Variants in TNFRSF10D observed in about 807,000 individuals in gnomAD.
The protein encoded by TNFRSF10D is tumor necrosis factor receptor superfamily member 10D.
A neutral mutation model predicts 42.1 loss-of-function variants in TNFRSF10D; 28 were observed. That is an observed-to-expected ratio of 0.66 (90% CI 0.49 to 0.91). TNFRSF10D has a LOEUF of 0.91. TNFRSF10D is among the 40% of genes least tolerant of loss of function. The pLI is 0.00. For missense variants in TNFRSF10D, 503 were observed against 486.1 expected, an observed-to-expected ratio of 1.03 and a Z score of -0.33; for synonymous variants, 186 against 189.4, an observed-to-expected ratio of 0.98 and a Z score of 0.15.
Position 23,136,129 on chromosome 8 carries a change from GA to G in TNFRSF10D, c.*1740del, listed in dbSNP as rs1814322989. The G allele has an allele frequency of 1.3e-5, 4 of 310,132 alleles. No homozygotes were observed. The highest frequency in any genetic ancestry group is 2.9e-5 in the South Asian group (1 of 34,638). The allele number at this position is 310,132 out of a possible 1,614,324, so 19.2% of individuals were successfully genotyped here. On this transcript the variant is annotated 3_prime_UTR_variant, in exon 9 of 9. Transcript: ENST00000312584. The stretch of plus-strand genomic sequence containing the variant: ...ACAATGCCTTGAGATGGAAAAGACT[GA>G]AACCCCTAGAATGACTATATCCGTA...
Position 23,136,153 on chromosome 8 carries a change from G to A in TNFRSF10D, c.*1717C>T, listed in dbSNP as rs974515784. ...TGAAACCCCTAGAATGACTATATCCGTAATTTATCCTACCACGACTGGGCT... is the reference window on the plus strand; with the variant it reads ...TGAAACCCCTAGAATGACTATATCCATAATTTATCCTACCACGACTGGGCT... On this transcript the variant is annotated 3_prime_UTR_variant, in exon 9 of 9. Coordinates refer to ENST00000312584, the MANE Select transcript of TNFRSF10D (RefSeq NM_003840.5). The A allele has an allele frequency of 5.1e-5, 14 of 276,348 alleles. No homozygotes were observed. Among genetic ancestry groups the A allele is most frequent in the South Asian group, 7.2e-5 (2 of 27,656 alleles). 17.1% of individuals were successfully genotyped at this position (276,348 alleles called of 1,614,324 possible).
At chr8:23,153,581 A>G (rs937088697) in intron 2 of TNFRSF10D, among the ~76,000 whole-genome samples, 9 of 152,200 alleles carry the variant, frequency 5.9e-5, no homozygotes, top group African/African-American at 2.2e-4. Flanking sequence ...AGACACTTCT[A>G]AAAAGAAGAC....
intron 2 of TNFRSF10D, among the ~76,000 whole-genome samples, chr8:23,152,438 C>G (rs1168591143): frequency 6.6e-6 from 1 of 152,218 alleles, no homozygotes; most frequent in African/African-American, 2.4e-5. Flanking sequence ...AAAGAAGGTT[C>G]ACACTGCTCT....
chr8:23,157,610 T>A lies in TNFRSF10D; in HGVS notation c.151-2631A>T, dbSNP rs143996816. Among the ~76,000 whole-genome samples, 89 of 152,352 alleles carry A rather than the reference T, an allele frequency of 5.8e-4. No individual in the cohort carries two copies. In the East Asian group the frequency reaches 0.015, roughly 26 times the overall value. ...TTGCCACTTTACCGGGGTTTTCATC[T>A]GACCGTTCTGTCAATTACAGAGAAA... is the stretch of plus-strand genomic sequence containing the variant. On this transcript the variant is annotated intron_variant, in intron 1 of 8. Coordinates refer to ENST00000312584, the MANE Select transcript of TNFRSF10D (RefSeq NM_003840.5).
intron 8 of TNFRSF10D, 75 bp downstream of exon 8, chr8:23,138,113 G>A (rs774969727): frequency 1.5e-5 from 24 of 1,611,592 alleles, no homozygotes; most frequent in Non-Finnish European, 1.9e-5. Flanking sequence ...AGCCCTCTCA[G>A]CTATAGGGAC....
Position 23,144,431 on chromosome 8 carries a change from C to G in TNFRSF10D, c.954+19G>C. ...TGCAGGCTGCACGCCAGGCAGGGCA[C>G]AGTCCCTCCTCAACTCACCAGCAGA... On this transcript the variant is annotated intron_variant, in intron 7 of 8. Transcript: ENST00000312584. 6.2e-7 allele frequency: 1 copy of G among 1,610,234 alleles called. No homozygotes were observed. Among genetic ancestry groups the G allele is most frequent in the Middle Eastern group, 1.7e-4 (1 of 6,030 alleles).
intron 7 of TNFRSF10D, among the ~76,000 whole-genome samples, chr8:23,143,774 C>T (rs979357365): frequency 5.3e-5 from 8 of 152,152 alleles, no homozygotes; most frequent in South Asian, 2.1e-4. Flanking sequence ...ATGGCACCTA[C>T]GTTCCACTGG....
rs769407140 is a variant in TNFRSF10D, at chr8:23,144,591, C to T, written c.813G>A (p.Ala271=). ...GGGTCTCGTTGCGGGCATTGTCCTCCGCCCCAGGAACTCGTGAAGGACATG... is the reference window on the plus strand; with the variant it reads ...GGGTCTCGTTGCGGGCATTGTCCTCTGCCCCAGGAACTCGTGAAGGACATG... ...RRSCPSRVPG[A]EDNARNETLS... The change falls in exon 7 of 9, where the codon GCG becomes GCA. Residue 271 remains alanine (A), a synonymous_variant. Transcript: ENST00000312584. 3.4e-5 allele frequency: 55 copies of T among 1,614,054 alleles called. No homozygotes were observed. The highest frequency in any genetic ancestry group is 9.9e-5 in the South Asian group (9 of 91,088).
At chr8:23,161,791 G>A (rs562178115) in intron 1 of TNFRSF10D, among the ~76,000 whole-genome samples, 62 of 152,328 alleles carry the variant, frequency 4.1e-4, no homozygotes, top group Non-Finnish European at 7.5e-4. Flanking sequence ...AGGTGTGAGT[G>A]TAAGCTGAGT....
chr8:23,155,704 AAAAAAACAAAAAAC>A (rs564780193), intron 1 of TNFRSF10D, among the ~76,000 whole-genome samples: 1 of 151,954 alleles, frequency 6.6e-6, no homozygotes, highest in Non-Finnish European at 1.5e-5. Context: ...TGTCTCAAAA[AAAAAAACAAAAAAC>A]AAAAAACAAA....
intron 1 of TNFRSF10D, among the ~76,000 whole-genome samples, chr8:23,162,951 T>C (rs183152453): frequency 1.3e-3 from 197 of 152,358 alleles, no homozygotes; most frequent in Non-Finnish European, 2.3e-3. Context: ...AGGCAGAGTC[T>C]CGCTCTGTCG....
intron 8 of TNFRSF10D, 67 bp downstream of exon 8, chr8:23,138,121 G>C (rs1814371808): frequency 6.2e-7 from 1 of 1,612,228 alleles, no homozygotes; most frequent in African/African-American, 1.3e-5. Context: ...CAGCTATAGG[G>C]ACAGCAGTTA....
intron 1 of TNFRSF10D, among the ~76,000 whole-genome samples, chr8:23,161,606 G>T (rs1276993854): frequency 1.3e-5 from 2 of 152,156 alleles, no homozygotes; most frequent in Non-Finnish European, 2.9e-5. Flanking sequence ...GTCTCATCTG[G>T]ATCCCCCGGT....
At chr8:23,151,613 T>C (rs572977448) in intron 2 of TNFRSF10D, among the ~76,000 whole-genome samples, 1 of 152,246 alleles carries the variant, frequency 6.6e-6, no homozygotes, top group Admixed American at 6.5e-5. Flanking sequence ...TGTTAAGGAA[T>C]ACACAACATA....
At chr8:23,157,553 T>G (rs561591437) in intron 1 of TNFRSF10D, among the ~76,000 whole-genome samples, 1 of 152,330 alleles carries the variant, frequency 6.6e-6, no homozygotes, top group African/African-American at 2.4e-5. Context: ...AAATGTCAGT[T>G]AAGTCAAGGT....
intron 8 of TNFRSF10D, 82 bp downstream of exon 8, chr8:23,138,106 C>G: frequency 6.2e-7 from 1 of 1,610,002 alleles, no homozygotes; most frequent in Non-Finnish European, 8.5e-7. Flanking sequence ...CCAGAAGAGC[C>G]CTCTCAGCTA....
chr8:23,151,348 G>GAA (rs934656835), intron 2 of TNFRSF10D, among the ~76,000 whole-genome samples: 1 of 137,804 alleles, frequency 7.3e-6, no homozygotes, highest in African/African-American at 2.6e-5. Context: ...ATCAGACAAA[G>GAA]AAAAAAAAAA....
At chr8:23,157,769 G>A (rs1800301592) in intron 1 of TNFRSF10D, among the ~76,000 whole-genome samples, 1 of 152,076 alleles carries the variant, frequency 6.6e-6, no homozygotes, top group South Asian at 2.1e-4. Flanking sequence ...GGTCCCTTTT[G>A]AGCTCCCATA....
rs759370515 is a variant in TNFRSF10D, at chr8:23,155,568, A to G, written c.151-589T>C. On this transcript the variant is annotated intron_variant, in intron 1 of 8. Transcript: ENST00000312584. ...CCCCGTCTCTACTAAAAATACAAAA[A>G]ATTAGCTGGGCATGGTGGCGGGCAC... Among the ~76,000 whole-genome samples, 93 of 152,114 alleles carry G rather than the reference A, an allele frequency of 6.1e-4. 1 individual carries two copies. Among genetic ancestry groups the G allele is most frequent in the Admixed American group, 1.4e-3 (21 of 15,294 alleles).
Sources: gnomAD v4.1 joint callset for allele counts (sites outside exome capture counted in the v4.1 genomes callset) on GRCh38, gnomAD v4.1.1 for gene constraint, MANE v1.5 for transcripts, NCBI Gene and HGNC (gene_info 2026-07-23, HGNC 2026-07-21) for gene names.